The following FAM169A variants were observed in gnomAD, a reference collection of about 807,000 sequenced individuals.
The protein encoded by FAM169A is family with sequence similarity 169 member A.
In FAM169A, 24 loss-of-function variants were observed where a neutral mutation model predicts 75.7. The observed-to-expected ratio is 0.32, with a 90% CI of 0.23 to 0.45. The LOEUF (loss-of-function observed/expected upper bound fraction) is 0.45. Ranked by LOEUF, FAM169A falls within the 20% of genes least tolerant of loss-of-function variation. The pLI is 1.00. For missense variants in FAM169A, 673 were observed against 784.0 expected (o/e 0.86, Z 1.69); for synonymous variants, 271 against 271.0 (o/e 1.00, Z 0.00).
chr5:74,781,201 A>G lies in FAM169A; in HGVS notation c.*259T>C. On this transcript the variant is annotated 3_prime_UTR_variant, in exon 13 of 13. Transcript: ENST00000687041. ...AGATGTACCACCTGATAAAGAAAAT[A>G]TAATATGATCTGGTTTCCCAAAATT... 2.4e-6 allele frequency: 1 copy of G among 411,628 alleles called. No individual in the cohort carries two copies. Among genetic ancestry groups the G allele is most frequent in the Non-Finnish European group, 4.3e-6 (1 of 231,546 alleles). 25.5% of individuals were successfully genotyped at this position (411,628 alleles called of 1,614,324 possible).
chr5:74,797,208 C>T (rs1580089939), intron 10 of FAM169A, among the ~76,000 whole-genome samples: 1 of 152,222 alleles, frequency 6.6e-6, no homozygotes, highest in South Asian at 2.1e-4. Context: ...ACAGGGTCTC[C>T]CTCTGTCACC....
chr5:74,840,651 A>G (rs1411950435), intron 2 of FAM169A, among the ~76,000 whole-genome samples: 1 of 151,988 alleles, frequency 6.6e-6, no homozygotes, highest in Non-Finnish European at 1.5e-5. Flanking sequence ...AACACAGTGA[A>G]ACCCCATCTT....
chr5:74,810,919 TC>T (rs1472526478), intron 6 of FAM169A, among the ~76,000 whole-genome samples: 1 of 142,362 alleles, frequency 7.0e-6, no homozygotes, highest in Non-Finnish European at 1.5e-5. Flanking sequence ...CAAGTGATCC[TC>T]CTGCCTCAGT....
At chr5:74,861,754 T>C (rs1331777708) in intron 1 of FAM169A, among the ~76,000 whole-genome samples, 2 of 152,214 alleles carry the variant, frequency 1.3e-5, no homozygotes, top group African/African-American at 4.8e-5. Flanking sequence ...TACCCAGTTG[T>C]ATGCTAAAAC....
In FAM169A at chr5:74,798,362, G is replaced by A. The variant is rs148410437; in HGVS notation, c.1104-2176C>T. Among the ~76,000 whole-genome samples, 49 of 152,124 alleles carry A rather than the reference G, an allele frequency of 3.2e-4. No individual in the cohort carries two copies. The East Asian group carries it at 7.3e-3, about 23-fold the overall frequency. On this transcript the variant is annotated intron_variant, in intron 10 of 12. Transcript: ENST00000687041. Reference sequence around the variant, plus strand: ...CAAAATTCCACAATAATTCTGGGAGGTTCAATTTAAAATATATTGTTACCC... The same window carrying A: ...CAAAATTCCACAATAATTCTGGGAGATTCAATTTAAAATATATTGTTACCC...
At position 74,833,966 on chromosome 5, in the gene FAM169A, G is replaced by C. The variant is rs565974970; in HGVS notation, c.490+460C>G. ...TTTACTAAATATATTAAAGCATTTTGTTTTTCTTGGTAATTAGCCAAGTTG... is the reference window on the plus strand; with the variant it reads ...TTTACTAAATATATTAAAGCATTTTCTTTTTCTTGGTAATTAGCCAAGTTG... On this transcript the variant is annotated intron_variant, in intron 5 of 12. Coordinates refer to ENST00000687041, the MANE Select transcript of FAM169A (RefSeq NM_001376049.1). Among the ~76,000 whole-genome samples the C allele has an allele frequency of 4.0e-3, 609 of 152,256 alleles. 2 individuals are homozygous for C. The highest frequency in any genetic ancestry group is 0.014 in the African/African-American group (587 of 41,546).
At chr5:74,823,800 C>A (rs1400287943) in intron 5 of FAM169A, among the ~76,000 whole-genome samples, 2 of 152,142 alleles carry the variant, frequency 1.3e-5, no homozygotes, top group Non-Finnish European at 2.9e-5. Flanking sequence ...AGAATCACAC[C>A]TAGACAGACT....
At chr5:74,809,390 C>T (rs1747052560) in intron 6 of FAM169A, among the ~76,000 whole-genome samples, 1 of 151,660 alleles carries the variant, frequency 6.6e-6, no homozygotes, top group Non-Finnish European at 1.5e-5. Flanking sequence ...GTCAGGAGAT[C>T]GAGACCATCC....
chr5:74,807,078 T>C (rs1746924038), intron 6 of FAM169A, among the ~76,000 whole-genome samples: 1 of 152,194 alleles, frequency 6.6e-6, no homozygotes, highest in Non-Finnish European at 1.5e-5. Flanking sequence ...TACTTCTAGG[T>C]ATAAACCCTA....
At chr5:74,837,546 A>G (rs1748631378) in intron 4 of FAM169A, among the ~76,000 whole-genome samples, 1 of 152,180 alleles carries the variant, frequency 6.6e-6, no homozygotes, top group South Asian at 2.1e-4. Context: ...GAAGAAATAA[A>G]AACACCCTAG....
At chr5:74,792,504 C>T (rs1433874091) in intron 11 of FAM169A, among the ~76,000 whole-genome samples, 1 of 143,708 alleles carries the variant, frequency 7.0e-6, no homozygotes, top group South Asian at 2.2e-4. Flanking sequence ...AGCTTTGGGA[C>T]TCGGACTGGC....
At chr5:74,801,520 C>A in intron 9 of FAM169A, 70 bp downstream of exon 9, 1 of 629,660 alleles carries the variant, frequency 1.6e-6, no homozygotes, top group South Asian at 2.6e-5. Flanking sequence ...CACATGCATG[C>A]ACACACACAC....
At chr5:74,808,022 C>A (rs933108743) in intron 6 of FAM169A, among the ~76,000 whole-genome samples, 2 of 152,002 alleles carry the variant, frequency 1.3e-5, no homozygotes, top group East Asian at 1.9e-4. Context: ...TCACTTGAAC[C>A]CAGGAGGAGG....
At chr5:74,815,417 C>G (rs1747421649) in intron 5 of FAM169A, among the ~76,000 whole-genome samples, 1 of 152,082 alleles carries the variant, frequency 6.6e-6, no homozygotes, top group Non-Finnish European at 1.5e-5. Context: ...TCTTGAACTC[C>G]TGACCTCAGG....
intron 6 of FAM169A, among the ~76,000 whole-genome samples, chr5:74,808,883 A>C (rs751581102): frequency 3.9e-5 from 6 of 152,198 alleles, no homozygotes; most frequent in African/African-American, 9.7e-5. Flanking sequence ...AATATGGCAA[A>C]ATCTTCACAT....
Position 74,801,585 on chromosome 5 carries a change from C to G in FAM169A, c.952+5G>C. ...ACTTACTGATATATCAGTTGAATTT[C>G]TTACCTTCGGAAGTGCTTGCAAAGG... On this transcript the variant is annotated splice_donor_5th_base_variant and intron_variant, in intron 9 of 12. Coordinates refer to ENST00000687041, the MANE Select transcript of FAM169A (RefSeq NM_001376049.1). The G allele has an allele frequency of 6.2e-7, 1 of 1,608,520 alleles. No individual in the cohort carries two copies.
intron 1 of FAM169A, among the ~76,000 whole-genome samples, chr5:74,850,192 T>C (rs1351022210): frequency 6.6e-6 from 1 of 152,172 alleles, no homozygotes; most frequent in East Asian, 1.9e-4. Context: ...AGACACAAAG[T>C]GGCTGAGTAA....
At chr5:74,861,004 G>C (rs1375373209) in intron 1 of FAM169A, among the ~76,000 whole-genome samples, 1 of 152,030 alleles carries the variant, frequency 6.6e-6, no homozygotes, top group East Asian at 1.9e-4. Context: ...AGGCATAGCG[G>C]CGTGCATCTG....
Position 74,834,584 on chromosome 5 carries a change from C to T in FAM169A, c.332G>A (p.Gly111Glu). 1 of 1,564,726 alleles carries T rather than the reference C, an allele frequency of 6.4e-7. No individual in the cohort carries two copies. Among genetic ancestry groups the T allele is most frequent in the South Asian group, 1.2e-5 (1 of 80,970 alleles). Reference protein sequence around the residue: ...REGLKQVSTLGERVVLYVLNR... With the variant: ...REGLKQVSTLEERVVLYVLNR... ...CAGAACATACAGAACCACTCTCTCCCCAAGAGTGCTCACCTACAAAGAGAG... is the reference window on the plus strand; with the variant it reads ...CAGAACATACAGAACCACTCTCTCCTCAAGAGTGCTCACCTACAAAGAGAG... Residue 111 changes from glycine (G) to glutamate (E), a missense_variant, in exon 5 of 13, where the codon GGG becomes GAG. Transcript: ENST00000687041.
Sources: allele counts gnomAD v4.1 joint callset (sites outside exome capture counted in the v4.1 genomes callset), GRCh38; gene constraint gnomAD v4.1.1; transcripts MANE v1.5; gene names NCBI Gene and HGNC (gene_info 2026-07-23, HGNC 2026-07-21).